Variants in AGBL4 observed in about 807,000 individuals in gnomAD.
AGBL4 encodes the protein cytosolic carboxypeptidase 6.
Under a neutral mutation model 66.4 loss-of-function variants are expected in AGBL4, and 58 were observed. The ratio of observed to expected loss-of-function variants is 0.87; its 90% CI spans 0.71 to 1.09. The LOEUF (loss-of-function observed/expected upper bound fraction) is 1.09, where lower values mean the gene tolerates loss of function less well. AGBL4 is among the 50% of genes least tolerant of loss of function. The pLI is 0.00. For missense variants in AGBL4, 579 were observed against 631.0 expected, an observed-to-expected ratio of 0.92 and a Z score of 0.88; for synonymous variants, 234 against 222.9, an observed-to-expected ratio of 1.05 and a Z score of -0.44.
chr1:49,086,757 T>A (rs1644914683), intron 4 of AGBL4, among the ~76,000 whole-genome samples: 3 of 151,982 alleles, frequency 2.0e-5, no homozygotes. Flanking sequence ...CTGCCTGAAC[T>A]CTGTGGGAAG....
chr1:49,865,981 T>C (rs909436626), intron 1 of AGBL4: 6 of 363,164 alleles, frequency 1.7e-5, no homozygotes, highest in Non-Finnish European at 3.4e-5. Flanking sequence ...ATCAACAACC[T>C]AACAGACCAA....
chr1:49,099,170 T>C (rs1219732027), intron 4 of AGBL4, among the ~76,000 whole-genome samples: 1 of 152,188 alleles, frequency 6.6e-6, no homozygotes, highest in Non-Finnish European at 1.5e-5. Flanking sequence ...GAATGAAATG[T>C]GGGACTAGAA....
At chr1:49,351,615 A>C (rs1485170858) in intron 3 of AGBL4, among the ~76,000 whole-genome samples, 1 of 152,132 alleles carries the variant, frequency 6.6e-6, no homozygotes, top group East Asian at 1.9e-4. Context: ...TATTTAAATC[A>C]TCCAACTCTC....
At chr1:49,454,448 A>G (rs1288970952) in intron 3 of AGBL4, among the ~76,000 whole-genome samples, 1 of 151,718 alleles carries the variant, frequency 6.6e-6, no homozygotes, top group African/African-American at 2.4e-5. Flanking sequence ...TGGGCAATAC[A>G]GAGGAGATTC....
chr1:49,104,404 A>G (rs1207988353), intron 4 of AGBL4, among the ~76,000 whole-genome samples: 1 of 152,192 alleles, frequency 6.6e-6, no homozygotes, highest in African/African-American at 2.4e-5. Context: ...AAGCAGGTAC[A>G]ATTATTTTTT....
chr1:49,880,525 C>A (rs905550896), intron 1 of AGBL4, among the ~76,000 whole-genome samples: 5 of 152,078 alleles, frequency 3.3e-5, no homozygotes, highest in African/African-American at 9.7e-5. Flanking sequence ...ATTCTCAGAT[C>A]TCCAGCTGCG....
chr1:48,854,839 AGCT>A (rs1227920785), intron 6 of AGBL4, among the ~76,000 whole-genome samples: 3 of 152,192 alleles, frequency 2.0e-5, no homozygotes, highest in African/African-American at 7.2e-5. Flanking sequence ...TAAAGTCTGC[AGCT>A]GCTACAGCCA....
At chr1:50,001,757 T>C (rs1004699511) in intron 1 of AGBL4, among the ~76,000 whole-genome samples, 2 of 152,130 alleles carry the variant, frequency 1.3e-5, no homozygotes, top group African/African-American at 4.8e-5. Flanking sequence ...TTTTACCAAA[T>C]CACATGGATT....
intron 4 of AGBL4, among the ~76,000 whole-genome samples, chr1:49,128,776 T>C (rs903907953): frequency 1.3e-5 from 2 of 151,794 alleles, no homozygotes; most frequent in African/African-American, 2.4e-5. Flanking sequence ...GAAGAACACA[T>C]AGGAAACAAA....
intron 3 of AGBL4, among the ~76,000 whole-genome samples, chr1:49,398,262 T>C (rs1201619919): frequency 6.6e-6 from 1 of 152,126 alleles, no homozygotes; most frequent in African/African-American, 2.4e-5. Context: ...GCATCATCTA[T>C]TTCATTAAGG....
chr1:48,923,222 T>C (rs577385207), intron 5 of AGBL4, among the ~76,000 whole-genome samples: 2 of 152,192 alleles, frequency 1.3e-5, no homozygotes, highest in Non-Finnish European at 2.9e-5. Flanking sequence ...TAAGTGACTA[T>C]TCTGAGACTT....
At chr1:48,534,586 A>C (rs1643939233) in intron 13 of AGBL4, among the ~76,000 whole-genome samples, 1 of 152,216 alleles carries the variant, frequency 6.6e-6, no homozygotes, top group African/African-American at 2.4e-5. Flanking sequence ...TCTTGAACTA[A>C]GTTTGAATTC....
At chr1:49,845,900 A>C in intron 2 of AGBL4, 1 of 1,416,042 alleles carries the variant, frequency 7.1e-7, no homozygotes, top group Non-Finnish European at 1.0e-6. Context: ...GCAAATCCAC[A>C]CAGGGCAGAA....
intron 4 of AGBL4, among the ~76,000 whole-genome samples, chr1:49,197,117 C>A (rs1570028441): frequency 6.6e-6 from 1 of 152,216 alleles, no homozygotes; most frequent in East Asian, 1.9e-4. Flanking sequence ...GCACAAGCCA[C>A]TGTGCCTGGC....
At chr1:49,927,143 C>A (rs1652857963) in intron 1 of AGBL4, among the ~76,000 whole-genome samples, 1 of 152,146 alleles carries the variant, frequency 6.6e-6, no homozygotes, top group African/African-American at 2.4e-5. Context: ...AAGGGTGGGT[C>A]TGCCTTTCCC....
At chr1:48,563,314 C>T (rs1644424584) in intron 11 of AGBL4, among the ~76,000 whole-genome samples, 1 of 152,210 alleles carries the variant, frequency 6.6e-6, no homozygotes, top group Non-Finnish European at 1.5e-5. Context: ...CAAGGCAACC[C>T]ATCTCTTGCT....
chr1:48,948,731 T>C (rs1656723254), intron 5 of AGBL4, among the ~76,000 whole-genome samples: 1 of 152,238 alleles, frequency 6.6e-6, no homozygotes, highest in Non-Finnish European at 1.5e-5. Context: ...CCTTTATTCA[T>C]ATGCCATTTA....
At chr1:49,321,404 T>C (rs1168269356) in intron 3 of AGBL4, among the ~76,000 whole-genome samples, 4 of 152,176 alleles carry the variant, frequency 2.6e-5, no homozygotes, top group African/African-American at 7.2e-5. Context: ...ATCAAACTGA[T>C]AACAATTAAA....
intron 3 of AGBL4, among the ~76,000 whole-genome samples, chr1:49,680,829 A>G (rs571344333): frequency 6.6e-6 from 1 of 151,644 alleles, no homozygotes; most frequent in African/African-American, 2.4e-5. Flanking sequence ...TTGCTTCTGG[A>G]ACTTCAATAA....
Sources: allele counts gnomAD v4.1 joint callset (sites outside exome capture counted in the v4.1 genomes callset), GRCh38; gene constraint gnomAD v4.1.1; transcripts MANE v1.5; gene names NCBI Gene and HGNC (gene_info 2026-07-23, HGNC 2026-07-21).